The following AMBRA1 variants were observed in gnomAD, a reference collection of about 807,000 sequenced individuals.
The protein encoded by AMBRA1 is activating molecule in BECN1-regulated autophagy protein 1.
AMBRA1 carries 47 observed loss-of-function variants against 125.4 expected under a neutral mutation model. The observed-to-expected ratio is 0.37, with a 90% CI of 0.30 to 0.48. The LOEUF is 0.48. AMBRA1 is among the 20% of genes least tolerant of loss of function. The pLI, the probability that AMBRA1 is intolerant of heterozygous loss-of-function variation, is 0.99. For synonymous variants in AMBRA1, 626 were observed against 655.5 expected, an observed-to-expected ratio of 0.95 and a Z score of 0.69; for missense variants, 1,331 against 1,693.4, an observed-to-expected ratio of 0.79 and a Z score of 3.76.
rs554869747 is a variant in AMBRA1, at chr11:46,576,081, T to C, written c.-121+17747A>G. Among the ~76,000 whole-genome samples, 22 of 152,236 alleles carry C rather than the reference T, an allele frequency of 1.4e-4. No individual in the cohort carries two copies. In the South Asian group the frequency reaches 4.1e-3, roughly 29 times the overall value. On this transcript the variant is annotated intron_variant, in intron 1 of 17. Coordinates refer to ENST00000683756, the MANE Select transcript of AMBRA1 (RefSeq NM_001387011.1). The stretch of plus-strand genomic sequence containing the variant: ...CTGCAGATGTTGGCTTTGATCACTA[T>C]GATTCAGGAAGAATCATAACAGTAG...
intron 17 of AMBRA1, among the ~76,000 whole-genome samples, chr11:46,403,690 C>CA (rs1945869018): frequency 6.6e-6 from 1 of 152,134 alleles, no homozygotes; most frequent in Non-Finnish European, 1.5e-5. Context: ...GTTGAACATG[C>CA]AAAAAAGCTG....
At chr11:46,575,484 A>C (rs2043926602) in intron 1 of AMBRA1, among the ~76,000 whole-genome samples, 1 of 150,478 alleles carries the variant, frequency 6.6e-6, no homozygotes, top group Admixed American at 6.6e-5. Flanking sequence ...GGTAGCTTAT[A>C]AACAACAGAA....
intron 7 of AMBRA1, among the ~76,000 whole-genome samples, chr11:46,527,643 C>A (rs1442080705): frequency 6.6e-6 from 1 of 152,066 alleles, no homozygotes; most frequent in Admixed American, 6.6e-5. Context: ...GGGCCAAAGA[C>A]TTGCATGCAC....
chr11:46,438,093 G>C (rs1271128126), intron 12 of AMBRA1, among the ~76,000 whole-genome samples: 3 of 152,188 alleles, frequency 2.0e-5, no homozygotes, highest in Admixed American at 6.5e-5. Context: ...TCTGGGAGAT[G>C]CATCTCCAGC....
intron 1 of AMBRA1, among the ~76,000 whole-genome samples, chr11:46,565,232 C>T (rs1283318479): frequency 6.6e-6 from 1 of 151,262 alleles, no homozygotes; most frequent in Non-Finnish European, 1.5e-5. Flanking sequence ...CACTCCAAGC[C>T]TGGGAGACAG....
chr11:46,444,631 G>A (rs1328949584), intron 11 of AMBRA1, among the ~76,000 whole-genome samples: 2 of 152,190 alleles, frequency 1.3e-5, no homozygotes, highest in African/African-American at 2.4e-5. Context: ...ACCAGCCTTG[G>A]AAAAATGGAC....
intron 7 of AMBRA1, among the ~76,000 whole-genome samples, chr11:46,527,304 A>AC (rs1398144027): frequency 6.6e-6 from 1 of 151,644 alleles, no homozygotes; most frequent in African/African-American, 2.4e-5. Flanking sequence ...ACACAGCAAG[A>AC]CCCCATCTCT....
chr11:46,504,487 G>C (rs753804395), intron 9 of AMBRA1: 2 of 152,220 alleles, frequency 1.3e-5, no homozygotes, highest in African/African-American at 2.4e-5. Flanking sequence ...CCTTTACCCT[G>C]CTTATGAACA....
At chr11:46,543,517 G>C in intron 6 of AMBRA1, 119 bp from the exon 7 acceptor site, 1 of 1,308,216 alleles carries the variant, frequency 7.6e-7, no homozygotes, top group Non-Finnish European at 1.0e-6. Flanking sequence ...TTCATAGGTA[G>C]GAAACAACTC....
chr11:46,411,344 G>A (rs1946286379), intron 15 of AMBRA1, among the ~76,000 whole-genome samples: 1 of 152,216 alleles, frequency 6.6e-6, no homozygotes, highest in African/African-American at 2.4e-5. Context: ...AAACATGGGT[G>A]TTGGCTAGGA....
intron 1 of AMBRA1, among the ~76,000 whole-genome samples, chr11:46,581,463 C>G (rs1360515122): frequency 6.6e-6 from 1 of 152,084 alleles, no homozygotes; most frequent in Admixed American, 6.6e-5. Context: ...AAAAATTAGC[C>G]TGGTGTGGTG....
At position 46,545,708 on chromosome 11, in the gene AMBRA1, A is replaced by G. The variant is rs1846188991; in HGVS notation, c.447T>C (p.Ala149=). 6.2e-7 allele frequency: 1 copy of G among 1,614,188 alleles called. No homozygotes were observed. Among genetic ancestry groups the G allele is most frequent in the Non-Finnish European group, 8.5e-7 (1 of 1,180,022 alleles). Residue 149 remains alanine, a synonymous_variant, in exon 5 of 18, where the codon GCT becomes GCC. Transcript: ENST00000683756. ...TGGCAGTGGCAATCAGCAGGAGCTG[A>G]GCCGTAGGGTGGAAAGCCAGGGAGG... The part of the protein sequence containing the change: ...AIASLAFHPT[A]QLLLIATANE...
At position 46,512,822 on chromosome 11, in the gene AMBRA1, G is replaced by T. The variant is rs766246006; in HGVS notation, c.2073-9C>A. 2 of 1,602,322 alleles carry T rather than the reference G, an allele frequency of 1.2e-6. No homozygotes were observed. Among genetic ancestry groups the T allele is most frequent in the Non-Finnish European group, 1.7e-6 (2 of 1,174,516 alleles). ...AAGATTCCAGCAGCCTCCTAGCAGA[G>T]ATTAAAAAAATGGCAATAATCCCTG... On this transcript the variant is annotated splice_polypyrimidine_tract_variant and intron_variant, in intron 7 of 17. Coordinates refer to ENST00000683756, the MANE Select transcript of AMBRA1 (RefSeq NM_001387011.1).
At chr11:46,576,554 T>A (rs2043967290) in intron 1 of AMBRA1, among the ~76,000 whole-genome samples, 1 of 152,200 alleles carries the variant, frequency 6.6e-6, no homozygotes, top group South Asian at 2.1e-4. Context: ...AGAAAGATAG[T>A]CTTTGGAGAA....
rs1322489923 is a variant in AMBRA1, at chr11:46,574,416, G to A, written c.-121+19412C>T. ...TTGATTTGCATTCCTCTGATGGCCA[G>A]TGATGATGAGCATTTTTTCATGTGT... On this transcript the variant is annotated intron_variant, in intron 1 of 17. Coordinates refer to ENST00000683756, the MANE Select transcript of AMBRA1 (RefSeq NM_001387011.1). Among the ~76,000 whole-genome samples the A allele has an allele frequency of 3.3e-5, 5 of 151,916 alleles. No individual in the cohort carries two copies. In the East Asian group the frequency reaches 9.6e-4, roughly 29 times the overall value.
At chr11:46,512,705 C>T (rs763758561) in intron 8 of AMBRA1, 22 bp downstream of exon 8, 43 of 1,609,156 alleles carry the variant, frequency 2.7e-5, no homozygotes, top group Middle Eastern at 3.3e-4. Context: ...CCACCTAGTG[C>T]CATTTCTCAC....
chr11:46,474,864 G>A (rs188914590), intron 11 of AMBRA1, among the ~76,000 whole-genome samples: 2 of 152,198 alleles, frequency 1.3e-5, no homozygotes, highest in East Asian at 3.9e-4. Flanking sequence ...AGCCAGAACA[G>A]TGAAAAAAAA....
At chr11:46,405,189 A>G (rs988214083) in intron 17 of AMBRA1, among the ~76,000 whole-genome samples, 1 of 152,206 alleles carries the variant, frequency 6.6e-6, no homozygotes, top group Non-Finnish European at 1.5e-5. Context: ...TCATCCTTGA[A>G]GACTAGGCTC....
intron 15 of AMBRA1, among the ~76,000 whole-genome samples, chr11:46,417,012 C>T (rs1464106160): frequency 1.3e-5 from 2 of 152,096 alleles, no homozygotes; most frequent in Admixed American, 6.5e-5. Context: ...CTACTCCCTA[C>T]TTCAAGACCA....
Sources: allele counts gnomAD v4.1 joint callset (sites outside exome capture counted in the v4.1 genomes callset), GRCh38; gene constraint gnomAD v4.1.1; transcripts MANE v1.5; gene names NCBI Gene and HGNC (gene_info 2026-07-23, HGNC 2026-07-21).